The following TAFA2 variants were observed in gnomAD, a reference collection of about 807,000 sequenced individuals.
TAFA2 encodes TAFA chemokine like family member 2, also known as chemokine-like protein TAFA-2.
A neutral mutation model predicts 18.8 loss-of-function variants in TAFA2; 7 were observed. The observed-to-expected ratio is 0.37, with a 90% CI of 0.21 to 0.70. TAFA2 has a LOEUF of 0.70. Among genes scored for constraint, TAFA2 ranks in the 30% least tolerant of loss-of-function variants. TAFA2 has a pLI of 0.53. For synonymous variants in TAFA2, 60 were observed against 54.2 expected (o/e 1.11, Z -0.47); for missense variants, 122 against 158.1 (o/e 0.77, Z 1.23).
intron 2 of TAFA2, among the ~76,000 whole-genome samples, chr12:61,862,907 T>C (rs910894163): frequency 8.5e-5 from 13 of 152,360 alleles, no homozygotes; most frequent in Middle Eastern, 3.4e-3. Flanking sequence ...TCCCATTTTA[T>C]GTATTTTTCT....
chr12:61,920,983 C>A (rs1034854097), intron 1 of TAFA2, among the ~76,000 whole-genome samples: 2 of 152,010 alleles, frequency 1.3e-5, no homozygotes, highest in South Asian at 2.1e-4. Flanking sequence ...CCACTGAAAA[C>A]GCCAAGAGGT....
chr12:61,766,299 G>A (rs975554819), intron 2 of TAFA2, among the ~76,000 whole-genome samples: 5 of 151,976 alleles, frequency 3.3e-5, no homozygotes, highest in African/African-American at 4.8e-5. Flanking sequence ...GCCTACATTC[G>A]TCTTCTCTAG....
intron 1 of TAFA2, among the ~76,000 whole-genome samples, chr12:62,040,784 A>T (rs1374185125): frequency 6.6e-6 from 1 of 152,188 alleles, no homozygotes; most frequent in Non-Finnish European, 1.5e-5. Flanking sequence ...CTAAGAGGCC[A>T]TGTTTAAAGG....
At chr12:61,972,874 A>G (rs767390742) in intron 1 of TAFA2, among the ~76,000 whole-genome samples, 7 of 151,606 alleles carry the variant, frequency 4.6e-5, no homozygotes, top group South Asian at 2.1e-4. Flanking sequence ...GTTCAAATCC[A>G]TGATTAGAAA....
chr12:61,738,846 T>C (rs1298963633), intron 4 of TAFA2, among the ~76,000 whole-genome samples: 1 of 152,090 alleles, frequency 6.6e-6, no homozygotes, highest in Non-Finnish European at 1.5e-5. Context: ...TAAGTATGAA[T>C]AGAGATAGTA....
intron 1 of TAFA2, among the ~76,000 whole-genome samples, chr12:62,142,345 C>T (rs530660506): frequency 3.9e-5 from 6 of 152,264 alleles, no homozygotes; most frequent in African/African-American, 1.4e-4. Context: ...ATTATAAATA[C>T]TGTAAGAAAA....
At chr12:62,251,378 T>C (rs1014827491) in intron 1 of TAFA2, among the ~76,000 whole-genome samples, 2 of 152,132 alleles carry the variant, frequency 1.3e-5, no homozygotes, top group African/African-American at 2.4e-5. Context: ...ACTGCCTGGG[T>C]TACAAACAGA....
rs141459607 is a variant in TAFA2 at position 61,830,038 on chromosome 12, T to TAA, written c.106+37280_106+37281dup. On this transcript the variant is annotated intron_variant, in intron 2 of 4. Coordinates refer to ENST00000416284, the MANE Select transcript of TAFA2 (RefSeq NM_178539.5). The stretch of plus-strand genomic sequence containing the variant: ...TAATGTCAACAATGTAAACTTTGTA[T>TAA]AAAAAAATACTTGTACTGGTATATT... 8.4e-4 allele frequency among the ~76,000 whole-genome samples: 128 copies of TAA among 151,482 alleles called. 1 individual carries two copies. Among genetic ancestry groups the TAA allele is most frequent in the African/African-American group, 2.9e-3 (122 of 41,400 alleles).
intron 1 of TAFA2, among the ~76,000 whole-genome samples, chr12:62,096,933 G>A (rs1288187919): frequency 6.6e-6 from 1 of 152,006 alleles, no homozygotes; most frequent in Non-Finnish European, 1.5e-5. Context: ...CACACCCCAA[G>A]TTGCAAAACT....
At chr12:62,209,797 T>C (rs1434423298) in intron 1 of TAFA2, among the ~76,000 whole-genome samples, 2 of 152,250 alleles carry the variant, frequency 1.3e-5, no homozygotes, top group African/African-American at 4.8e-5. Flanking sequence ...AAACTAATAC[T>C]TATCTCTTTG....
In TAFA2 at chr12:61,785,916, G is replaced by C. The variant is rs561572348; in HGVS notation, c.107-30892C>G. On this transcript the variant is annotated intron_variant, in intron 2 of 4. Coordinates refer to ENST00000416284, the MANE Select transcript of TAFA2 (RefSeq NM_178539.5). ...ACAGTATGAAACTTAAAAAAAATTA[G>C]GGAGGGGGAACCATATGGAGCCTAG... 2.0e-5 allele frequency among the ~76,000 whole-genome samples: 3 copies of C among 151,600 alleles called. No homozygotes were observed. The East Asian group carries it at 5.9e-4, about 30-fold the overall frequency.
At chr12:62,247,139 C>T (rs1191812099) in intron 1 of TAFA2, among the ~76,000 whole-genome samples, 1 of 151,868 alleles carries the variant, frequency 6.6e-6, no homozygotes, top group Non-Finnish European at 1.5e-5. Context: ...TGTATTATTT[C>T]CCCCTTCTAC....
intron 1 of TAFA2, among the ~76,000 whole-genome samples, chr12:62,204,502 G>T (rs1263483231): frequency 1.3e-5 from 2 of 152,010 alleles, no homozygotes; most frequent in African/African-American, 4.8e-5. Context: ...TAAGCCCATA[G>T]TTCTCGGAGG....
At chr12:62,068,811 G>A (rs2136800278) in intron 1 of TAFA2, among the ~76,000 whole-genome samples, 1 of 152,190 alleles carries the variant, frequency 6.6e-6, no homozygotes, top group East Asian at 1.9e-4. Flanking sequence ...CAGACTACAT[G>A]ATTACATCCA....
intron 1 of TAFA2, among the ~76,000 whole-genome samples, chr12:62,080,100 T>C (rs980366990): frequency 3.3e-5 from 5 of 152,160 alleles, no homozygotes; most frequent in African/African-American, 1.2e-4. Flanking sequence ...AGAACTGTGG[T>C]CCCCAATTCA....
intron 1 of TAFA2, among the ~76,000 whole-genome samples, chr12:62,215,704 A>G (rs551298680): frequency 5.4e-5 from 8 of 148,226 alleles, no homozygotes; most frequent in Non-Finnish European, 1.2e-4. Context: ...TGCTTAAGAG[A>G]AACAACTTGT....
intron 1 of TAFA2, among the ~76,000 whole-genome samples, chr12:62,096,537 G>A (rs1266442539): frequency 2.6e-5 from 4 of 152,086 alleles, no homozygotes; most frequent in Non-Finnish European, 4.4e-5. Context: ...ACTAAATTGG[G>A]TGTCCAGGAT....
chr12:62,257,070 A>G (rs1010274182), intron 1 of TAFA2, among the ~76,000 whole-genome samples: 1 of 151,980 alleles, frequency 6.6e-6, no homozygotes, highest in Non-Finnish European at 1.5e-5. Context: ...GAGTTGAGAA[A>G]TAAAGACAGC....
At position 61,819,723 on chromosome 12, in the gene TAFA2, G is replaced by T. The variant is rs536461210; in HGVS notation, c.106+47597C>A. On this transcript the variant is annotated intron_variant, in intron 2 of 4. Transcript: ENST00000416284. Reference sequence around the variant, plus strand: ...TGCTAACTATTCATTTGCCAAAAATGCATGTTTACTATCTATTACATAATG... The same window carrying T: ...TGCTAACTATTCATTTGCCAAAAATTCATGTTTACTATCTATTACATAATG... 4.6e-5 allele frequency among the ~76,000 whole-genome samples: 7 copies of T among 152,170 alleles called. No homozygotes were observed. The East Asian group carries it at 1.2e-3, about 25-fold the overall frequency.
Sources: gnomAD v4.1 joint callset for allele counts (sites outside exome capture counted in the v4.1 genomes callset) on GRCh38, gnomAD v4.1.1 for gene constraint, MANE v1.5 for transcripts, NCBI Gene and HGNC (gene_info 2026-07-23, HGNC 2026-07-21) for gene names.